Variants in GABRR3 observed in about 807,000 individuals in gnomAD.
The protein encoded by GABRR3 is gamma-aminobutyric acid receptor subunit rho-3.
GABRR3 carries 29 observed loss-of-function variants against 43.2 expected under a neutral mutation model. The observed-to-expected ratio is 0.67, with a 90% confidence interval of 0.50 to 0.92. The LOEUF is 0.92. Ranked by LOEUF, GABRR3 falls within the 40% of genes least tolerant of loss-of-function variation. GABRR3 has a pLI of 0.00. For synonymous variants in GABRR3, 206 were observed against 195.9 expected (o/e 1.05, Z -0.43); for missense variants, 576 against 572.3 (o/e 1.01, Z -0.07).
At chr3:97,985,128 T>C (rs1205270314), downstream of GABRR3, among the ~76,000 whole-genome samples, 2 of 152,200 alleles carry the variant, frequency 1.3e-5, no homozygotes, top group Non-Finnish European at 2.9e-5. Flanking sequence ...TTATTTCTCT[T>C]AATTCAATCC....
chr3:98,007,526 T>C (rs1289081247), intron 7 of GABRR3, among the ~76,000 whole-genome samples: 1 of 152,174 alleles, frequency 6.6e-6, no homozygotes, highest in Admixed American at 6.5e-5. Context: ...CTCTGTCTGC[T>C]GTATTGAGAC....
intron 5 of GABRR3, among the ~76,000 whole-genome samples, chr3:98,011,608 A>AT (rs74427121): frequency 0.29 from 43,371 of 151,476 alleles, 6,909 homozygotes; most frequent in East Asian, 0.43. Context: ...GTCTGCAAGG[A>AT]TTTTTTTTTC....
At chr3:98,024,643 A>T (rs1490203963) in intron 3 of GABRR3, among the ~76,000 whole-genome samples, 2 of 152,086 alleles carry the variant, frequency 1.3e-5, no homozygotes, top group African/African-American at 4.8e-5. Flanking sequence ...CTGCCAGAGG[A>T]TCTTTCTTCT....
intron 3 of GABRR3, among the ~76,000 whole-genome samples, chr3:98,022,817 A>G (rs1706964384): frequency 6.6e-6 from 1 of 152,182 alleles, no homozygotes; most frequent in African/African-American, 2.4e-5. Flanking sequence ...TGCATTTTTA[A>G]CAACCCTACG....
chr3:98,029,389 T>G (rs1431526913), intron 2 of GABRR3, among the ~76,000 whole-genome samples: 1 of 152,124 alleles, frequency 6.6e-6, no homozygotes, highest in African/African-American at 2.4e-5. Flanking sequence ...GGGAAAGGCT[T>G]GATTCTGAGT....
rs186799681 is a variant in GABRR3, at chr3:97,991,286, A to C, written c.1104+1566T>G. On this transcript the variant is annotated intron_variant, in intron 9 of 9. Transcript: ENST00000621172. ...TTCACAGACTATCCAAATCATTGCT[A>C]TTCAGTATGGGTAATAGATCAACAG... Among the ~76,000 whole-genome samples, 5 of 152,326 alleles carry C rather than the reference A, an allele frequency of 3.3e-5. No individual in the cohort carries two copies. In the East Asian group the frequency reaches 9.6e-4, roughly 29 times the overall value.
intron 7 of GABRR3, among the ~76,000 whole-genome samples, chr3:98,004,896 A>G (rs1706704329): frequency 6.6e-6 from 1 of 152,084 alleles, no homozygotes; most frequent in African/African-American, 2.4e-5. Flanking sequence ...AGTCTGAAAA[A>G]GACACTTGAG....
intron 3 of GABRR3, among the ~76,000 whole-genome samples, chr3:98,022,953 G>A (rs75296882): frequency 2.8e-3 from 432 of 152,252 alleles, no homozygotes; most frequent in South Asian, 7.0e-3. Context: ...TTTCTGGACG[G>A]GGGGAGGACG....
chr3:97,993,307 CAG>C (rs762345261), intron 8 of GABRR3, among the ~76,000 whole-genome samples: 8 of 152,160 alleles, frequency 5.3e-5, no homozygotes, highest in Admixed American at 6.5e-5. Context: ...TCACAGAAAA[CAG>C]AGTCTGACTT....
chr3:98,003,711 T>C (rs528467482), intron 7 of GABRR3, among the ~76,000 whole-genome samples: 106 of 152,276 alleles, frequency 7.0e-4, no homozygotes, highest in Non-Finnish European at 1.3e-3. Flanking sequence ...CCTAGGTCTC[T>C]TTTTGGCACC....
intron 2 of GABRR3, among the ~76,000 whole-genome samples, chr3:98,026,202 G>A (rs1297590801): frequency 1.3e-5 from 2 of 152,220 alleles, no homozygotes; most frequent in East Asian, 3.8e-4. Context: ...AAAATGAGCA[G>A]AAAATACAGG....
At chr3:97,996,077 T>A (rs1369110856) in intron 8 of GABRR3, among the ~76,000 whole-genome samples, 1 of 152,124 alleles carries the variant, frequency 6.6e-6, no homozygotes, top group East Asian at 1.9e-4. Context: ...CATTGGCTAT[T>A]TTTAGTCATG....
chr3:98,030,044 G>T (rs1707069027), intron 2 of GABRR3, among the ~76,000 whole-genome samples: 1 of 151,488 alleles, frequency 6.6e-6, no homozygotes. Context: ...GAACCTGGGA[G>T]GCAGAGGTGG....
At chr3:98,022,465 G>A (rs1439357891) in intron 3 of GABRR3, among the ~76,000 whole-genome samples, 2 of 152,210 alleles carry the variant, frequency 1.3e-5, no homozygotes, top group South Asian at 2.1e-4. Flanking sequence ...AAGTATGTGC[G>A]TGTGTTTGTG....
intron 7 of GABRR3, among the ~76,000 whole-genome samples, chr3:98,005,142 T>C (rs1235429704): frequency 1.3e-5 from 2 of 151,544 alleles, no homozygotes; most frequent in Non-Finnish European, 2.9e-5. Context: ...TTGTAACAAA[T>C]TAAAAAATAC....
chr3:98,025,709 C>A, intron 2 of GABRR3, 30 bp from the exon 3 acceptor site: 3 of 1,425,706 alleles, frequency 2.1e-6, no homozygotes, highest in Non-Finnish European at 2.9e-6. Flanking sequence ...AAAAAAACTT[C>A]TGAGATACAT....
chr3:98,029,617 T>G lies in GABRR3; in HGVS notation c.126-3938A>C, dbSNP rs1019288942. Reference sequence around the variant, plus strand: ...GGAGCCTGGAGGCCTACATATTTGATGAGTTAACTAGAATCAGAATTTGAA... The same window carrying G: ...GGAGCCTGGAGGCCTACATATTTGAGGAGTTAACTAGAATCAGAATTTGAA... On this transcript the variant is annotated intron_variant, in intron 2 of 9. Coordinates refer to ENST00000621172, the Ensembl canonical transcript of GABRR3. Among the ~76,000 whole-genome samples, 7 of 152,108 alleles carry G rather than the reference T, an allele frequency of 4.6e-5. No individual in the cohort carries two copies. The South Asian group carries it at 1.0e-3, about 23-fold the overall frequency.
chr3:97,987,600 G>A (rs1706404681), intron 9 of GABRR3, among the ~76,000 whole-genome samples: 1 of 152,150 alleles, frequency 6.6e-6, no homozygotes, highest in South Asian at 2.1e-4. Context: ...CAAATTGGAG[G>A]CTGCAGAATA....
At chr3:98,026,781 T>A (rs943223366) in intron 2 of GABRR3, among the ~76,000 whole-genome samples, 1 of 152,206 alleles carries the variant, frequency 6.6e-6, no homozygotes, top group Non-Finnish European at 1.5e-5. Flanking sequence ...TGAATTTTAA[T>A]ATAAGACATG....
Sources: allele counts gnomAD v4.1 joint callset (sites outside exome capture counted in the v4.1 genomes callset), GRCh38; gene constraint gnomAD v4.1.1; transcripts MANE v1.5; gene names NCBI Gene and HGNC (gene_info 2026-07-23, HGNC 2026-07-21).